The following THSD4 variants were observed in gnomAD, a reference collection of about 807,000 sequenced individuals.
THSD4 encodes the protein thrombospondin type-1 domain-containing protein 4.
THSD4 carries 69 observed loss-of-function variants against 119.0 expected under a neutral mutation model. That is an observed-to-expected ratio of 0.58 (90% CI 0.48 to 0.71). The LOEUF (loss-of-function observed/expected upper bound fraction) is 0.71. Ranked by LOEUF, THSD4 falls within the 30% of genes least tolerant of loss-of-function variation. The pLI is 0.00. For missense variants in THSD4, 1,393 were observed against 1,391.1 expected, an observed-to-expected ratio of 1.00 and a Z score of -0.02; for synonymous variants, 524 against 540.4, an observed-to-expected ratio of 0.97 and a Z score of 0.42.
chr15:71,248,283 AAAC>A (rs1325135525), intron 5 of THSD4, among the ~76,000 whole-genome samples: 3 of 152,168 alleles, frequency 2.0e-5, no homozygotes, highest in African/African-American at 2.4e-5. Context: ...TTTGTCTCTA[AAAC>A]AACAACAACA....
rs1474286575 is a variant in THSD4, at chr15:71,215,476, C to G, written c.464+77C>G. 2.9e-6 allele frequency: 4 copies of G among 1,374,862 alleles called. No homozygotes were observed. The East Asian group carries it at 1.2e-4, about 41-fold the overall frequency. 85.2% of individuals were successfully genotyped at this position (1,374,862 alleles called of 1,614,324 possible). A position where few individuals can be genotyped will look rare whatever the true frequency, so the allele number is the denominator to read the frequency against. ...CCCCTGTCCCTGCCCCTGCCTCGCA[C>G]GCTGCTCTGCACCACAGACAGTGCG... On this transcript the variant is annotated intron_variant, in intron 4 of 17. Coordinates refer to ENST00000261862, the MANE Select transcript of THSD4 (RefSeq NM_024817.3).
At chr15:71,380,125 T>G (rs2046208332) in intron 6 of THSD4, among the ~76,000 whole-genome samples, 1 of 152,172 alleles carries the variant, frequency 6.6e-6, no homozygotes, top group African/African-American at 2.4e-5. Flanking sequence ...GTTTTCATTT[T>G]TGTTTACGTA....
At chr15:71,617,264 A>G (rs899958768) in intron 7 of THSD4, among the ~76,000 whole-genome samples, 1 of 152,230 alleles carries the variant, frequency 6.6e-6, no homozygotes, top group Non-Finnish European at 1.5e-5. Context: ...CCAGAAACGA[A>G]TTAATGGAAG....
chr15:71,492,605 A>G (rs1227948917), intron 7 of THSD4, among the ~76,000 whole-genome samples: 18 of 152,150 alleles, frequency 1.2e-4, no homozygotes, highest in Admixed American at 1.2e-3. Context: ...GCATATTTGT[A>G]AGAGAAAGCA....
intron 6 of THSD4, among the ~76,000 whole-genome samples, chr15:71,321,937 A>G (rs1426939404): frequency 6.6e-6 from 1 of 152,146 alleles, no homozygotes; most frequent in African/African-American, 2.4e-5. Context: ...AATAAAAGCC[A>G]GAGTCAACAA....
intron 6 of THSD4, among the ~76,000 whole-genome samples, chr15:71,339,698 T>A (rs1248123579): frequency 6.6e-6 from 1 of 152,126 alleles, no homozygotes; most frequent in Admixed American, 6.5e-5. Flanking sequence ...TAAAAGTAAC[T>A]ACCTCATAGG....
At chr15:71,393,427 G>A (rs575548886) in intron 6 of THSD4, among the ~76,000 whole-genome samples, 34 of 152,148 alleles carry the variant, frequency 2.2e-4, no homozygotes, top group African/African-American at 8.0e-4. Flanking sequence ...GAGCCTTCAT[G>A]CAGGAATAAA....
intron 6 of THSD4, among the ~76,000 whole-genome samples, chr15:71,257,472 G>A (rs1038287112): frequency 3.3e-5 from 5 of 152,142 alleles, no homozygotes; most frequent in African/African-American, 9.7e-5. Context: ...AGGGCCCAGT[G>A]GAAGAGCTCT....
intron 6 of THSD4, among the ~76,000 whole-genome samples, chr15:71,306,161 C>A (rs2045022183): frequency 6.6e-6 from 1 of 151,836 alleles, no homozygotes; most frequent in Admixed American, 6.6e-5. Flanking sequence ...CAAAAATCAG[C>A]CGGGCGTGGT....
chr15:71,217,086 T>G (rs2043939080), intron 4 of THSD4, among the ~76,000 whole-genome samples: 1 of 152,184 alleles, frequency 6.6e-6, no homozygotes, highest in Non-Finnish European at 1.5e-5. Flanking sequence ...CATGAGCCAC[T>G]GCGCCTGGCC....
chr15:71,150,145 G>A (rs575993036), intron 2 of THSD4, among the ~76,000 whole-genome samples: 10 of 152,162 alleles, frequency 6.6e-5, no homozygotes, highest in Admixed American at 3.3e-4. Context: ...CTGTCAAAAC[G>A]TTGCAAGCTG....
upstream of THSD4, among the ~76,000 whole-genome samples, chr15:71,112,585 G>A (rs1167598773): frequency 1.3e-5 from 2 of 152,212 alleles, no homozygotes; most frequent in South Asian, 4.1e-4. Flanking sequence ...GCAAAGGGGT[G>A]ACCCACCCTC....
chr15:71,261,681 G>C (rs998920758), intron 6 of THSD4, among the ~76,000 whole-genome samples: 6 of 152,150 alleles, frequency 3.9e-5, no homozygotes, highest in Non-Finnish European at 8.8e-5. Context: ...AGTGGGGATT[G>C]AGACAGACAG....
chr15:71,727,471 A>G (rs1241006762), intron 8 of THSD4, among the ~76,000 whole-genome samples: 2 of 149,982 alleles, frequency 1.3e-5, no homozygotes, highest in African/African-American at 5.0e-5. Flanking sequence ...TGAGGCAGGC[A>G]GATCGCTTGA....
chr15:71,113,084 G>A (rs879290268), upstream of THSD4, among the ~76,000 whole-genome samples: 2 of 152,236 alleles, frequency 1.3e-5, no homozygotes, highest in Non-Finnish European at 2.9e-5. Context: ...AGCTACCTGG[G>A]AGGCCGCAGT....
chr15:71,731,285 C>T, intron 10 of THSD4, 68 bp downstream of exon 10: 1 of 1,437,572 alleles, frequency 7.0e-7, no homozygotes, highest in Non-Finnish European at 9.8e-7. Flanking sequence ...TCTCTCAATT[C>T]TTGTGCATCC....
chr15:71,728,667 C>T lies in THSD4; in HGVS notation c.1476C>T (p.Ser492=), dbSNP rs1405912756. ...ACAAGCGTCCAAATGAGATTTCGAG[C>T]ACTGCCGGAGAGTCCTTTTTGGCGG... ...FTYKRPNEIS[S]TAGESFLAEG... Residue 492 remains serine (S), a synonymous_variant, in exon 9 of 18, where the codon AGC becomes AGT. Transcript: ENST00000261862. 2.5e-6 allele frequency: 4 copies of T among 1,614,216 alleles called. No homozygotes were observed. The highest frequency in any genetic ancestry group is 3.4e-6 in the Non-Finnish European group (4 of 1,180,048).
intron 6 of THSD4, among the ~76,000 whole-genome samples, chr15:71,376,868 AT>A (rs1158911082): frequency 1.3e-5 from 2 of 152,208 alleles, no homozygotes; most frequent in Admixed American, 6.5e-5. Context: ...GAGGGTCTCA[AT>A]CCCCCAGCTC....
chr15:71,647,038 C>T (rs189845923), intron 7 of THSD4, among the ~76,000 whole-genome samples: 1 of 152,250 alleles, frequency 6.6e-6, no homozygotes, highest in East Asian at 1.9e-4. Flanking sequence ...CAACATTTAG[C>T]CTTTATGCTT....
Sources: allele counts gnomAD v4.1 joint callset (sites outside exome capture counted in the v4.1 genomes callset), GRCh38; gene constraint gnomAD v4.1.1; transcripts MANE v1.5; gene names NCBI Gene and HGNC (gene_info 2026-07-23, HGNC 2026-07-21).